STK3: variants seen among roughly 807,000 people sequenced by gnomAD.
The protein encoded by STK3 is serine/threonine-protein kinase 3.
In STK3, 41 loss-of-function variants were observed where a neutral mutation model predicts 58.0. That is an observed-to-expected ratio of 0.71 (90% CI 0.55 to 0.92). STK3 has a LOEUF of 0.92. Ranked by LOEUF, STK3 falls within the 40% of genes least tolerant of loss-of-function variation. STK3 has a pLI of 0.00. For missense variants in STK3, 479 were observed against 602.7 expected, an observed-to-expected ratio of 0.79 and a Z score of 2.15; for synonymous variants, 170 against 191.0, an observed-to-expected ratio of 0.89 and a Z score of 0.91.
intron 10 of STK3, among the ~76,000 whole-genome samples, chr8:98,491,199 G>C (rs994816368): frequency 7.0e-6 from 1 of 143,502 alleles, no homozygotes; most frequent in Non-Finnish European, 1.5e-5. Flanking sequence ...GAGAGAGAGA[G>C]ACAGAGAGAG....
intron 10 of STK3, among the ~76,000 whole-genome samples, chr8:98,484,141 A>C (rs1458978231): frequency 1.5e-5 from 1 of 66,684 alleles, no homozygotes; most frequent in African/African-American, 5.1e-5. Context: ...TCCACTAAGT[A>C]GACTTAGACT....
chr8:98,484,237 A>C (rs554852750), intron 10 of STK3, among the ~76,000 whole-genome samples: 1 of 152,204 alleles, frequency 6.6e-6, no homozygotes, highest in South Asian at 2.1e-4. Flanking sequence ...TTCCTACAAA[A>C]ATCAGGGGAA....
At chr8:98,396,003 T>G (rs931705980) in intron 3 of STK3, among the ~76,000 whole-genome samples, 7 of 152,244 alleles carry the variant, frequency 4.6e-5, no homozygotes, top group African/African-American at 1.7e-4. Context: ...TCTATACAAC[T>G]GCCTTTCAGC....
At chr8:98,470,621 C>T (rs1381995104) in intron 10 of STK3, among the ~76,000 whole-genome samples, 2 of 152,188 alleles carry the variant, frequency 1.3e-5, no homozygotes, top group Admixed American at 1.3e-4. Flanking sequence ...ATTCTGCTAG[C>T]TATTTTTTAA....
downstream of STK3, among the ~76,000 whole-genome samples, chr8:98,398,310 A>G (rs1485226838): frequency 3.3e-5 from 5 of 152,262 alleles, no homozygotes; most frequent in Middle Eastern, 3.4e-3. Context: ...GGCATGACTT[A>G]CCAAAGTTAA....
At chr8:98,498,081 C>A (rs533512317) in intron 10 of STK3, among the ~76,000 whole-genome samples, 111 of 152,102 alleles carry the variant, frequency 7.3e-4, no homozygotes, top group African/African-American at 2.4e-3. Context: ...TATGTATGAA[C>A]ACACCACATT....
At chr8:98,355,177 G>A in the STK3 span, among the ~76,000 whole-genome samples, 2 of 152,150 alleles carry the variant, frequency 1.3e-5, no homozygotes, top group Non-Finnish European at 2.9e-5. Flanking sequence ...TGCCTGTACA[G>A]CACTCCTTCT....
intron 3 of STK3, among the ~76,000 whole-genome samples, chr8:98,762,315 G>C (rs758438809): frequency 6.6e-6 from 1 of 152,122 alleles, no homozygotes; most frequent in Non-Finnish European, 1.5e-5. Flanking sequence ...GAGTGCAATG[G>C]CACAGTCTTG....
rs750678047 is a variant in STK3, at chr8:98,455,908, G to C, written c.1410C>G (p.Tyr470Ter). The C allele has an allele frequency of 4.3e-6, 7 of 1,613,664 alleles. No individual in the cohort carries two copies. Among genetic ancestry groups the C allele is most frequent in the Non-Finnish European group, 1.7e-6 (2 of 1,179,808 alleles). ...CCAGAATGGGCTGTCTTTTCGCAGT[G>C]TATCTCTGACGAAGTTCTTCTATCT... ...EREIEELRQR[Y>*]TAKRQPILDA... The change falls in exon 11 of 11, where the codon TAC becomes TAG. Residue 470 changes from tyrosine (Y) to a stop codon, truncating the protein, a stop_gained. Transcript: ENST00000419617. LOFTEE classifies it high-confidence loss of function.
intron 1 of STK3, among the ~76,000 whole-genome samples, chr8:98,915,432 C>CTATATATACA (rs1839307304): frequency 2.1e-5 from 2 of 94,720 alleles, no homozygotes; most frequent in African/African-American, 1.1e-4. Flanking sequence ...ATAAACTTTC[C>CTATATATACA]TATATATATA....
chr8:98,567,097 A>G (rs1812541902), intron 8 of STK3, among the ~76,000 whole-genome samples: 1 of 152,256 alleles, frequency 6.6e-6, no homozygotes, highest in Non-Finnish European at 1.5e-5. Flanking sequence ...TGTTAAGTCA[A>G]GCACAGTATC....
At chr8:98,754,309 A>G (rs544959972) in intron 3 of STK3, among the ~76,000 whole-genome samples, 6 of 152,220 alleles carry the variant, frequency 3.9e-5, no homozygotes, top group African/African-American at 9.6e-5. Context: ...GCCTATGTGG[A>G]AACTTTTATA....
At chr8:98,456,069 T>C (rs1819468659) in intron 10 of STK3, 69 bp from the exon 11 acceptor site, 1 of 1,430,070 alleles carries the variant, frequency 7.0e-7, no homozygotes, top group African/African-American at 1.4e-5. Flanking sequence ...TACAATGAAA[T>C]TAGACTTTAA....
chr8:98,831,520 G>C (rs181313344), intron 3 of STK3, among the ~76,000 whole-genome samples: 1 of 152,162 alleles, frequency 6.6e-6, no homozygotes, highest in Non-Finnish European at 1.5e-5. Context: ...GCCTCCCATA[G>C]TGCTGGGATT....
At chr8:98,874,854 C>T (rs1312268717) in intron 3 of STK3, among the ~76,000 whole-genome samples, 1 of 151,752 alleles carries the variant, frequency 6.6e-6, no homozygotes, top group African/African-American at 2.4e-5. Context: ...AAACTCCTGG[C>T]CTTAAGCAAT....
chr8:98,540,126 C>G (rs774706936), intron 9 of STK3, among the ~76,000 whole-genome samples: 3 of 152,138 alleles, frequency 2.0e-5, no homozygotes, highest in Non-Finnish European at 4.4e-5. Context: ...TCAATGTGCT[C>G]CAGTGTATCT....
At chr8:98,363,884 C>T in the STK3 span, among the ~76,000 whole-genome samples, 1 of 152,204 alleles carries the variant, frequency 6.6e-6, no homozygotes, top group African/African-American at 2.4e-5. Flanking sequence ...AGTATGGAGC[C>T]TCTAAGTTCA....
Position 98,496,290 on chromosome 8 carries a change from AACT to A in STK3, c.1317+30449_1317+30451del, listed in dbSNP as rs200681156. ...AAGGAATTCACCAAAAAATTATTAGAACTAATAAACAAGTTCCAAAAGGTTGCA... is the reference window on the plus strand; with the variant it reads ...AAGGAATTCACCAAAAAATTATTAGAAATAAACAAGTTCCAAAAGGTTGCA... On this transcript the variant is annotated intron_variant, in intron 10 of 10. Transcript: ENST00000419617. Among the ~76,000 whole-genome samples, 73 of 152,334 alleles carry A rather than the reference AACT, an allele frequency of 4.8e-4. 4 individuals are homozygous for A. The East Asian group carries it at 0.014, about 29-fold the overall frequency.
At chr8:98,466,423 T>C (rs1352302693) in intron 10 of STK3, among the ~76,000 whole-genome samples, 1 of 152,238 alleles carries the variant, frequency 6.6e-6, no homozygotes, top group Non-Finnish European at 1.5e-5. Context: ...CACTGATTTC[T>C]GGTCACTTTT....
Sources: gnomAD v4.1 joint callset for allele counts (sites outside exome capture counted in the v4.1 genomes callset) on GRCh38, gnomAD v4.1.1 for gene constraint, MANE v1.5 for transcripts, NCBI Gene and HGNC (gene_info 2026-07-23, HGNC 2026-07-21) for gene names.